The following NCOA1 variants were observed in gnomAD, a reference collection of about 807,000 sequenced individuals.
The protein encoded by NCOA1 is nuclear receptor coactivator 1.
A neutral mutation model predicts 150.9 loss-of-function variants in NCOA1; 35 were observed. That is an observed-to-expected ratio of 0.23 (90% CI 0.18 to 0.31). The LOEUF (loss-of-function observed/expected upper bound fraction) is 0.31. Ranked by LOEUF, NCOA1 falls within the 10% of genes least tolerant of loss-of-function variation. NCOA1 has a pLI of 1.00. For synonymous variants in NCOA1, 590 were observed against 630.0 expected, an observed-to-expected ratio of 0.94 and a Z score of 0.95; for missense variants, 1,491 against 1,749.3, an observed-to-expected ratio of 0.85 and a Z score of 2.63.
chr2:24,705,156 C>T lies in NCOA1; in HGVS notation c.1020C>T (p.Ala340=). The T allele has an allele frequency of 6.2e-7, 1 of 1,614,090 alleles. No individual in the cohort carries two copies. The highest frequency in any genetic ancestry group is 8.5e-7 in the Non-Finnish European group (1 of 1,179,958). The change falls in exon 12 of 23, where the codon GCC becomes GCT. Residue 340 remains alanine, a synonymous_variant. Transcript: ENST00000348332. ...TGAATGATGGGACAATGCTTAGCGC[C>T]CACACCAAGTGTAAACTTTGCTACC... The part of the protein sequence containing the change: ...FILNDGTMLS[A]HTKCKLCYPQ...
chr2:24,698,725 A>G (rs939334039), intron 11 of NCOA1, among the ~76,000 whole-genome samples: 12 of 152,178 alleles, frequency 7.9e-5, no homozygotes, highest in Admixed American at 2.0e-4. Flanking sequence ...TTCCTGAAAA[A>G]CAATTTAAAA....
At chr2:24,615,938 G>T (rs1312122258) in intron 3 of NCOA1, among the ~76,000 whole-genome samples, 1 of 152,116 alleles carries the variant, frequency 6.6e-6, no homozygotes, top group Non-Finnish European at 1.5e-5. Context: ...AAAGATCAGG[G>T]ATCTTAGGAA....
At chr2:24,642,690 C>T (rs1001587865) in intron 3 of NCOA1, among the ~76,000 whole-genome samples, 4 of 152,150 alleles carry the variant, frequency 2.6e-5, no homozygotes, top group East Asian at 1.9e-4. Context: ...TTCATAGCAG[C>T]TTTTATTTGT....
At chr2:24,691,299 T>C (rs955082916) in intron 8 of NCOA1, among the ~76,000 whole-genome samples, 182 bp from the exon 9 acceptor site, 1 of 152,222 alleles carries the variant, frequency 6.6e-6, no homozygotes, top group Non-Finnish European at 1.5e-5. Context: ...TGGTAGACAT[T>C]TAGATTTGCT....
chr2:24,675,326 A>G (rs775385712), intron 7 of NCOA1, among the ~76,000 whole-genome samples: 2 of 152,248 alleles, frequency 1.3e-5, no homozygotes, highest in African/African-American at 2.4e-5. Flanking sequence ...AATGGGATGA[A>G]ATCAAAATAT....
chr2:24,544,163 A>AGAT (rs1665509919), intron 1 of NCOA1, among the ~76,000 whole-genome samples: 1 of 152,136 alleles, frequency 6.6e-6, no homozygotes, highest in Admixed American at 6.6e-5. Flanking sequence ...GCAGATAGGT[A>AGAT]GATGATGATG....
At chr2:24,534,775 A>T (rs938400918) in intron 1 of NCOA1, among the ~76,000 whole-genome samples, 8 of 152,170 alleles carry the variant, frequency 5.3e-5, no homozygotes, top group African/African-American at 1.4e-4. Context: ...GAGTTTCTTA[A>T]TCCTGAGTTC....
chr2:24,659,734 C>T (rs1309049966), intron 5 of NCOA1, among the ~76,000 whole-genome samples: 2 of 152,098 alleles, frequency 1.3e-5, no homozygotes, highest in Admixed American at 6.5e-5. Context: ...ATTGACATTT[C>T]GTGTCAGATA....
chr2:24,628,118 G>A (rs1339335446), intron 3 of NCOA1, among the ~76,000 whole-genome samples: 2 of 152,086 alleles, frequency 1.3e-5, no homozygotes, highest in Admixed American at 1.3e-4. Flanking sequence ...TGGCCAACAT[G>A]TTGAAACCCC....
At chr2:24,617,166 A>G (rs1314642311) in intron 3 of NCOA1, among the ~76,000 whole-genome samples, 1 of 152,134 alleles carries the variant, frequency 6.6e-6, no homozygotes, top group East Asian at 1.9e-4. Flanking sequence ...TGCTCCAATG[A>G]CTGTGGTGTT....
chr2:24,561,774 G>GA (rs1293637657), intron 1 of NCOA1, among the ~76,000 whole-genome samples: 2 of 151,994 alleles, frequency 1.3e-5, no homozygotes, highest in African/African-American at 2.4e-5. Context: ...TTTATTGTCA[G>GA]AAAAAAATAG....
chr2:24,716,143 C>CAA lies in NCOA1; in HGVS notation c.2599+5052_2599+5053dup, dbSNP rs35089767. 5.6e-3 allele frequency among the ~76,000 whole-genome samples: 480 copies of CAA among 85,298 alleles called. 8 individuals are homozygous for CAA. Among genetic ancestry groups the CAA allele is most frequent in the African/African-American group, 0.021 (425 of 20,134 alleles). 56.0% of individuals were successfully genotyped at this position (85,298 alleles called of 152,430 possible). A position where few individuals can be genotyped will look rare whatever the true frequency, so the allele number is the denominator to read the frequency against. ...TGGGTGACAGAGTGAGACTCCGTCT[C>CAA]AAAAAAAAAAAAAAAAAAAAATCTG... On this transcript the variant is annotated intron_variant, in intron 14 of 22. Transcript: ENST00000348332.
intron 4 of NCOA1, among the ~76,000 whole-genome samples, chr2:24,654,699 T>C (rs1670851242): frequency 6.6e-6 from 1 of 152,202 alleles, no homozygotes; most frequent in Non-Finnish European, 1.5e-5. Flanking sequence ...CAATGACTTT[T>C]AAGACCTTAC....
chr2:24,745,754 C>T (rs1663885686), intron 19 of NCOA1, among the ~76,000 whole-genome samples: 1 of 152,174 alleles, frequency 6.6e-6, no homozygotes, highest in Admixed American at 6.5e-5. Context: ...ACACCCCAAA[C>T]TTAACTTGTA....
intron 5 of NCOA1, among the ~76,000 whole-genome samples, chr2:24,661,141 C>T (rs1019815151): frequency 6.6e-6 from 1 of 152,064 alleles, no homozygotes; most frequent in Non-Finnish European, 1.5e-5. Flanking sequence ...TTTCAAATAA[C>T]AGGCATTGAG....
chr2:24,694,864 A>G (rs181786204), intron 10 of NCOA1, among the ~76,000 whole-genome samples: 112 of 152,150 alleles, frequency 7.4e-4, no homozygotes, highest in South Asian at 2.1e-3. Context: ...AGTATTTTGC[A>G]TGAAGGAAAA....
intron 2 of NCOA1, among the ~76,000 whole-genome samples, chr2:24,565,916 G>A (rs1289782765): frequency 2.0e-5 from 3 of 152,166 alleles, no homozygotes; most frequent in Admixed American, 6.5e-5. Flanking sequence ...TCAGAAGCTT[G>A]GAGATGCCAG....
chr2:24,522,598 TG>T (rs757680137), intron 1 of NCOA1, among the ~76,000 whole-genome samples: 30 of 152,174 alleles, frequency 2.0e-4, no homozygotes, highest in Non-Finnish European at 2.2e-4. Flanking sequence ...GGTTAGGTCC[TG>T]ATTTAGCAAT....
At chr2:24,507,435 GT>G (rs10651704) in intron 1 of NCOA1, among the ~76,000 whole-genome samples, 30,032 of 126,240 alleles carry the variant, frequency 0.24, 3,434 homozygotes, top group Non-Finnish European at 0.28. Context: ...GAGCTGCTGG[GT>G]TTTTTTTTTT....
Sources: gnomAD v4.1 joint callset for allele counts (sites outside exome capture counted in the v4.1 genomes callset) on GRCh38, gnomAD v4.1.1 for gene constraint, MANE v1.5 for transcripts, NCBI Gene and HGNC (gene_info 2026-07-23, HGNC 2026-07-21) for gene names.